The following ACOXL variants were observed in gnomAD, a reference collection of about 807,000 sequenced individuals.
ACOXL encodes acyl-coenzyme A oxidase-like protein.
ACOXL carries 70 observed loss-of-function variants against 71.9 expected under a neutral mutation model. The ratio of observed to expected loss-of-function variants is 0.97; its 90% CI spans 0.80 to 1.19. The LOEUF is 1.19. Among genes scored for constraint, ACOXL ranks in the 50% most tolerant of loss-of-function variants. The probability of loss-of-function intolerance (pLI) is 0.00; values close to 1 mark genes in which losing one functional copy is unlikely to be tolerated. For missense variants in ACOXL, 703 were observed against 736.3 expected (o/e 0.95, Z 0.52); for synonymous variants, 253 against 281.6 (o/e 0.90, Z 1.02).
intron 16 of ACOXL, among the ~76,000 whole-genome samples, chr2:111,077,053 C>CT (rs2149955374): frequency 6.6e-6 from 1 of 152,300 alleles, no homozygotes; most frequent in Non-Finnish European, 1.5e-5. Context: ...TGTAAAGGCC[C>CT]TTTTCCCTTA....
intron 2 of ACOXL, among the ~76,000 whole-genome samples, chr2:110,768,795 G>A (rs1440070331): frequency 1.3e-5 from 2 of 152,000 alleles, no homozygotes; most frequent in Admixed American, 6.5e-5. Context: ...AAGTAAGAAC[G>A]TGCGGTATTT....
At chr2:111,088,294 C>T (rs1478623485) in intron 16 of ACOXL, among the ~76,000 whole-genome samples, 3 of 152,168 alleles carry the variant, frequency 2.0e-5, no homozygotes, top group Non-Finnish European at 4.4e-5. Context: ...CACTACTGGG[C>T]ATATACCCAA....
At position 110,832,544 on chromosome 2, in the gene ACOXL, C is replaced by CAAAAAAAAAA. The variant is rs769471148; in HGVS notation, c.754-8815_754-8806dup. ...TGGGCGACAGAGCGAGACTCCATCT[C>CAAAAAAAAAA]AAAAAAAAAAAAAAAAAAAAAGAAC... On this transcript the variant is annotated intron_variant, in intron 9 of 17. Transcript: ENST00000439055. 9.0e-5 allele frequency among the ~76,000 whole-genome samples: 4 copies of CAAAAAAAAAA among 44,294 alleles called. 1 individual carries two copies. Among genetic ancestry groups the CAAAAAAAAAA allele is most frequent in the Non-Finnish European group, 1.4e-4 (3 of 21,228 alleles). 29.1% of individuals were successfully genotyped at this position (44,294 alleles called of 152,430 possible). A position where few individuals can be genotyped will look rare whatever the true frequency, so the allele number is the denominator to read the frequency against.
intron 10 of ACOXL, chr2:110,887,082 T>G (rs1421531498): frequency 2.2e-6 from 1 of 450,856 alleles, no homozygotes; most frequent in Non-Finnish European, 3.9e-6. Flanking sequence ...GCAGATGGCC[T>G]GTCTCTGCCT....
chr2:110,817,081 G>A (rs1020482038), intron 9 of ACOXL, among the ~76,000 whole-genome samples: 3 of 152,210 alleles, frequency 2.0e-5, no homozygotes, highest in Admixed American at 2.0e-4. Context: ...GGCACACAGG[G>A]GGCCCTCAGT....
chr2:111,064,454 A>AAAAC (rs2066968085), intron 16 of ACOXL, among the ~76,000 whole-genome samples: 1 of 151,762 alleles, frequency 6.6e-6, no homozygotes. Flanking sequence ...AACAAAAAAA[A>AAAAC]AACAACAACT....
chr2:111,074,216 T>C (rs58055674), intron 16 of ACOXL, among the ~76,000 whole-genome samples: 19,750 of 151,726 alleles, frequency 0.13, 1,545 homozygotes, highest in Middle Eastern at 0.21. Flanking sequence ...ATAGCAACAG[T>C]TTTATTGTTT....
At chr2:110,903,729 A>G (rs2059335868) in intron 10 of ACOXL, among the ~76,000 whole-genome samples, 1 of 152,258 alleles carries the variant, frequency 6.6e-6, no homozygotes, top group Non-Finnish European at 1.5e-5. Flanking sequence ...GGCCAGCTGC[A>G]GGGATTACAG....
intron 1 of ACOXL, among the ~76,000 whole-genome samples, chr2:110,749,320 A>G (rs191672112): frequency 1.6e-4 from 24 of 152,292 alleles, no homozygotes; most frequent in Admixed American, 9.8e-4. Context: ...TTATTTTGCA[A>G]TAATTTTCAG....
chr2:110,801,572 T>G, intron 7 of ACOXL, 80 bp from the exon 8 acceptor site: 1 of 1,262,662 alleles, frequency 7.9e-7, no homozygotes, highest in Non-Finnish European at 1.1e-6. Flanking sequence ...GGGCTTTGTA[T>G]TTTAGTGGCG....
intron 12 of ACOXL, among the ~76,000 whole-genome samples, chr2:110,961,615 A>G (rs1463104219): frequency 6.6e-6 from 1 of 152,226 alleles, no homozygotes; most frequent in African/African-American, 2.4e-5. Context: ...TTGCATCTGA[A>G]CTTCTTAGGT....
Position 110,929,508 on chromosome 2 carries a change from T to C in ACOXL, c.906-3981T>C, listed in dbSNP as rs536644171. On this transcript the variant is annotated intron_variant, in intron 11 of 17. Transcript: ENST00000439055. The stretch of plus-strand genomic sequence containing the variant: ...GAAAATTTGCAGCCTGAAGATGTGA[T>C]AGAAAAGAAAAACCCATTTTCTGAG... 2.0e-5 allele frequency among the ~76,000 whole-genome samples: 3 copies of C among 152,360 alleles called. No individual in the cohort carries two copies. The South Asian group carries it at 6.2e-4, about 32-fold the overall frequency.
At chr2:110,972,890 C>T (rs913398310) in intron 12 of ACOXL, among the ~76,000 whole-genome samples, 2 of 152,216 alleles carry the variant, frequency 1.3e-5, no homozygotes, top group African/African-American at 4.8e-5. Flanking sequence ...CATGTAGACA[C>T]CCTCTGCCTA....
intron 2 of ACOXL, among the ~76,000 whole-genome samples, chr2:110,781,591 G>A (rs560871403): frequency 2.0e-5 from 3 of 151,976 alleles, no homozygotes; most frequent in South Asian, 2.1e-4. Context: ...GCAGTGAGCC[G>A]AGATCGCACC....
intron 11 of ACOXL, among the ~76,000 whole-genome samples, chr2:110,925,539 T>C (rs111806657): frequency 4.6e-5 from 7 of 152,354 alleles, no homozygotes; most frequent in African/African-American, 1.7e-4. Context: ...AACTTTTCTT[T>C]TGTAGCTTCC....
intron 9 of ACOXL, among the ~76,000 whole-genome samples, chr2:110,832,799 A>G (rs765204724): frequency 1.3e-5 from 2 of 152,254 alleles, no homozygotes; most frequent in Non-Finnish European, 2.9e-5. Flanking sequence ...AAAAAGACAT[A>G]CAGATGGCAA....
chr2:110,928,616 G>T (rs1485210110), intron 11 of ACOXL, among the ~76,000 whole-genome samples: 2 of 152,170 alleles, frequency 1.3e-5, no homozygotes, highest in Non-Finnish European at 2.9e-5. Context: ...CCATCTCATT[G>T]ACTTTATGGT....
At chr2:111,068,984 A>G (rs2067205342) in intron 16 of ACOXL, among the ~76,000 whole-genome samples, 1 of 152,110 alleles carries the variant, frequency 6.6e-6, no homozygotes, top group Admixed American at 6.6e-5. Context: ...ACTGGAATGA[A>G]AATGTTCCGT....
chr2:110,965,215 A>G (rs192270032), intron 12 of ACOXL, among the ~76,000 whole-genome samples: 9 of 151,994 alleles, frequency 5.9e-5, no homozygotes, highest in Admixed American at 2.0e-4. Flanking sequence ...TTCTTTCTCC[A>G]TTTCTTTGTG....
Sources: allele counts gnomAD v4.1 joint callset (sites outside exome capture counted in the v4.1 genomes callset), GRCh38; gene constraint gnomAD v4.1.1; transcripts MANE v1.5; gene names NCBI Gene and HGNC (gene_info 2026-07-23, HGNC 2026-07-21).